Variants in RAB40B observed in about 807,000 individuals in gnomAD.
RAB40B encodes the protein ras-related protein Rab-40B.
RAB40B carries 21 observed loss-of-function variants against 24.0 expected under a neutral mutation model. The ratio of observed to expected loss-of-function variants is 0.88; its 90% CI spans 0.62 to 1.26. RAB40B has a LOEUF of 1.26. Among genes scored for constraint, RAB40B ranks in the 50% most tolerant of loss-of-function variants. The pLI is 0.00. For synonymous variants in RAB40B, 167 were observed against 169.8 expected, an observed-to-expected ratio of 0.98 and a Z score of 0.13; for missense variants, 348 against 390.5, an observed-to-expected ratio of 0.89 and a Z score of 0.92.
intron 2 of RAB40B, chr17:82,662,673 G>A: frequency 3.0e-6 from 3 of 985,390 alleles, no homozygotes; most frequent in Non-Finnish European, 3.6e-6. Context: ...CACCACAGGA[G>A]AGCAGCCTCA....
Position 82,690,607 on chromosome 17 carries a change from G to C in RAB40B, c.142+7848C>G, listed in dbSNP as rs995409639. 1.7e-4 allele frequency among the ~76,000 whole-genome samples: 26 copies of C among 148,598 alleles called. No homozygotes were observed. In the Admixed American group the frequency reaches 1.8e-3, roughly 10 times the overall value. On this transcript the variant is annotated intron_variant, in intron 1 of 5. Transcript: ENST00000571995. The stretch of plus-strand genomic sequence containing the variant: ...GAGTGTGCACGTGTGTCCAGGGGAA[G>C]ATCTGCAGAATTGGAGGGAGCATGG...
At position 82,698,487 on chromosome 17, in the gene RAB40B, C is replaced by T. The variant is rs908385625; in HGVS notation, c.110G>A (p.Gly37Asp). The T allele has an allele frequency of 2.0e-6, 3 of 1,499,542 alleles. No homozygotes were observed. The highest frequency in any genetic ancestry group is 2.7e-6 in the Non-Finnish European group (3 of 1,116,716). 92.9% of individuals were successfully genotyped at this position (1,499,542 alleles called of 1,614,324 possible). ...GTGGCCGTACGGGGACTCGGCCGCG[C>T]CATCCTGCAGGCTCGCCAGGATCTC... ...KGEILASLQDGAAESPYGHPA... is the reference protein window; with the variant it reads ...KGEILASLQDDAAESPYGHPA... The change falls in exon 1 of 6, where the codon GGC (glycine) becomes GAC (aspartate). Residue 37 changes from glycine to aspartate, a missense_variant. Transcript: ENST00000571995.
chr17:82,686,316 T>G (rs1203848116), intron 1 of RAB40B, among the ~76,000 whole-genome samples: 1 of 152,122 alleles, frequency 6.6e-6, no homozygotes, highest in Non-Finnish European at 1.5e-5. Flanking sequence ...TTCCCCATGT[T>G]GGCCAGGCTG....
chr17:82,698,584 C>G lies in RAB40B; in HGVS notation c.13G>C (p.Gly5Arg). The change falls in exon 1 of 6, where the codon GGC (glycine) becomes CGC (arginine). Residue 5 changes from glycine (G) to arginine (R), a missense_variant. Gly to Arg is a moderately radical substitution (Grantham distance 125). Transcript: ENST00000571995. ...AAGTCGTAGGCCCGGACCGGGCTGC[C>G]CAGGGCGCTCATCGTGACGGCCCGG... is the stretch of plus-strand genomic sequence containing the variant. Reference protein sequence around the residue: MSALGSPVRAYDFLL... With the variant: MSALRSPVRAYDFLL... The G allele has an allele frequency of 1.4e-6, 2 of 1,473,482 alleles. No individual in the cohort carries two copies. Among genetic ancestry groups the G allele is most frequent in the Non-Finnish European group, 1.8e-6 (2 of 1,100,044 alleles). 91.3% of individuals were successfully genotyped at this position (1,473,482 alleles called of 1,614,324 possible). A position where few individuals can be genotyped will look rare whatever the true frequency, so the allele number is the denominator to read the frequency against.
chr17:82,658,617 G>A lies in RAB40B; in HGVS notation c.439C>T (p.Arg147Cys), dbSNP rs1250009282. The A allele has an allele frequency of 3.7e-6, 6 of 1,613,422 alleles. No individual in the cohort carries two copies. The highest frequency in any genetic ancestry group is 2.2e-5 in the East Asian group (1 of 44,864). The change falls in exon 5 of 6, where the codon CGC becomes TGC. Residue 147 changes from arginine to cysteine, a missense_variant. By Grantham distance (180) the Arg-to-Cys change is radical. Coordinates refer to ENST00000571995, the MANE Select transcript of RAB40B (RefSeq NM_006822.3). ...ACCTCAAAGAAGGTCACGCCCAGGC[G>A]CTCGGCGTAGGCCTGGGCCTGCTCC... is the stretch of plus-strand genomic sequence containing the variant. The part of the protein sequence containing the change: ...PTEQAQAYAE[R>C]LGVTFFEVSP...
At chr17:82,688,601 C>T (rs1002547299) in intron 1 of RAB40B, among the ~76,000 whole-genome samples, 5 of 151,312 alleles carry the variant, frequency 3.3e-5, no homozygotes, top group African/African-American at 4.9e-5. Flanking sequence ...GGTGACAAAG[C>T]GAGACTCCGT....
Position 82,695,175 on chromosome 17 carries a change from ATCTTTCTT to A in RAB40B, c.142+3272_142+3279del, listed in dbSNP as rs375316050. Among the ~76,000 whole-genome samples the A allele has an allele frequency of 3.9e-4, 59 of 149,746 alleles. 1 individual carries two copies. In the East Asian group the frequency reaches 7.6e-3, roughly 19 times the overall value. ...GGAGTGTGGAGTTACGAACGCCCTC[ATCTTTCTT>A]TCTTTCTTTCTTTCTTTTTTTTTTT... On this transcript the variant is annotated intron_variant, in intron 1 of 5. Transcript: ENST00000571995.
In RAB40B at chr17:82,697,018, T is replaced by G. The variant is rs66904866; in HGVS notation, c.142+1437A>C. 0.059 allele frequency: 8,963 copies of G among 152,796 alleles called. 336 individuals are homozygous for G. The highest frequency in any genetic ancestry group is 0.13 in the East Asian group (672 of 5,138). The allele number at this position is 152,796 out of a possible 1,614,324, so 9.5% of individuals were successfully genotyped here. A position where few individuals can be genotyped will look rare whatever the true frequency, so the allele number is the denominator to read the frequency against. ...GGGGGCAGCGGCGCCTGGGGACAGG[T>G]AGAGACGCAGGCTCCCCTCCTGCCC... is the stretch of plus-strand genomic sequence containing the variant. On this transcript the variant is annotated intron_variant, in intron 1 of 5. Transcript: ENST00000571995. This position sits in a 1 kb window ranked among gnomAD's most constrained non-coding sequence, Gnocchi z 4.9.
intron 1 of RAB40B, among the ~76,000 whole-genome samples, chr17:82,696,145 G>A (rs2046607746): frequency 6.6e-6 from 1 of 152,144 alleles, no homozygotes; most frequent in South Asian, 2.1e-4. Context: ...CGGGATTACA[G>A]GTGTGAGCCA....
In RAB40B at chr17:82,696,124, C is replaced by A. The variant is rs1040477472; in HGVS notation, c.142+2331G>T. 4.6e-5 allele frequency among the ~76,000 whole-genome samples: 7 copies of A among 152,264 alleles called. 1 individual carries two copies. In the South Asian group the frequency reaches 1.5e-3, roughly 32 times the overall value. ...ACCTCAGGTGATCCGCCCGCCTTGG[C>A]CTCCCAAAGCCGGGATTACAGGTGT... On this transcript the variant is annotated intron_variant, in intron 1 of 5. Transcript: ENST00000571995.
chr17:82,661,800 T>C lies in RAB40B; in HGVS notation c.204-753A>G, dbSNP rs2046175672. ...TACTCGGAAGGCTGAGGCAGGAGAATTGTTTGAGCCCGGCAGGCGGAGGTT... is the reference window on the plus strand; with the variant it reads ...TACTCGGAAGGCTGAGGCAGGAGAACTGTTTGAGCCCGGCAGGCGGAGGTT... On this transcript the variant is annotated intron_variant, in intron 2 of 5. Transcript: ENST00000571995. The C allele has an allele frequency of 9.9e-6, 5 of 503,112 alleles. No homozygotes were observed. The Admixed American group carries it at 2.6e-4, about 26-fold the overall frequency. The allele number at this position is 503,112 out of a possible 1,614,324, so 31.2% of individuals were successfully genotyped here.
At chr17:82,681,887 C>A (rs1370001011) in intron 1 of RAB40B, among the ~76,000 whole-genome samples, 1 of 151,854 alleles carries the variant, frequency 6.6e-6, no homozygotes, top group Non-Finnish European at 1.5e-5. Context: ...TAAAGTGCAT[C>A]TTAAAAAAAA....
At chr17:82,674,082 T>A (rs2046368236) in intron 1 of RAB40B, among the ~76,000 whole-genome samples, 1 of 152,260 alleles carries the variant, frequency 6.6e-6, no homozygotes, top group African/African-American at 2.4e-5. Context: ...GGCTCGCGCC[T>A]GTAATCCCAG....
At chr17:82,691,867 C>T (rs567860694) in intron 1 of RAB40B, among the ~76,000 whole-genome samples, 7 of 152,214 alleles carry the variant, frequency 4.6e-5, no homozygotes, top group Non-Finnish European at 8.8e-5. Context: ...ATGGAACTTC[C>T]GAGGGGAAAG....
chr17:82,676,939 T>A (rs1358903172), intron 1 of RAB40B, among the ~76,000 whole-genome samples: 1 of 138,654 alleles, frequency 7.2e-6, no homozygotes, highest in Non-Finnish European at 1.5e-5. Flanking sequence ...AGCCTACTAA[T>A]TTATTTATTT....
chr17:82,664,230 G>T (rs1480644087), intron 2 of RAB40B, among the ~76,000 whole-genome samples: 7 of 145,080 alleles, frequency 4.8e-5, no homozygotes, highest in Non-Finnish European at 9.1e-5. Context: ...AGATGGTGGT[G>T]GGGGGAGCTT....
At chr17:82,682,000 C>T (rs1489249451) in intron 1 of RAB40B, among the ~76,000 whole-genome samples, 1 of 152,040 alleles carries the variant, frequency 6.6e-6, no homozygotes, top group East Asian at 1.9e-4. Flanking sequence ...CTTACCACTC[C>T]AATTCAATAT....
In RAB40B at chr17:82,694,251, C is replaced by T. The variant is rs887124367; in HGVS notation, c.142+4204G>A. On this transcript the variant is annotated intron_variant, in intron 1 of 5. Coordinates refer to ENST00000571995, the MANE Select transcript of RAB40B (RefSeq NM_006822.3). The stretch of plus-strand genomic sequence containing the variant: ...ATAAGATAATCAGAAAAATTCAGGC[C>T]GCGCACTGTGGCTCACACCTGTAAT... Among the ~76,000 whole-genome samples, 31 of 151,516 alleles carry T rather than the reference C, an allele frequency of 2.0e-4. 1 individual carries two copies. The highest frequency in any genetic ancestry group is 6.3e-4 in the African/African-American group (26 of 40,958).
At position 82,657,504 on chromosome 17, in the gene RAB40B, C is replaced by T. The variant is rs1568026274; in HGVS notation, c.*359G>A. The T allele has an allele frequency of 1.9e-5, 7 of 368,430 alleles. No individual in the cohort carries two copies. Among genetic ancestry groups the T allele is most frequent in the South Asian group, 1.5e-4 (7 of 45,434 alleles). 22.8% of individuals were successfully genotyped at this position (368,430 alleles called of 1,614,324 possible). On this transcript the variant is annotated 3_prime_UTR_variant, in exon 6 of 6. Transcript: ENST00000571995. ...TCCCGCTGCCATTGCTTCTCAAATTCCATTGAATTTATACTAATCACTCCA... is the reference window on the plus strand; with the variant it reads ...TCCCGCTGCCATTGCTTCTCAAATTTCATTGAATTTATACTAATCACTCCA...
Sources: gnomAD v4.1 joint callset for allele counts (sites outside exome capture counted in the v4.1 genomes callset) on GRCh38, gnomAD v4.1.1 for gene constraint, Gnocchi (gnomAD v3.1) non-coding constraint, MANE v1.5 for transcripts, NCBI Gene and HGNC (gene_info 2026-07-23, HGNC 2026-07-21) for gene names.